AVL9: variants seen among roughly 807,000 people sequenced by gnomAD.
AVL9 encodes the protein late secretory pathway protein AVL9 homolog.
A neutral mutation model predicts 79.2 loss-of-function variants in AVL9; 49 were observed. The observed-to-expected ratio is 0.62, with a 90% CI of 0.49 to 0.79. The LOEUF is 0.79. Among genes scored for constraint, AVL9 ranks in the 30% least tolerant of loss-of-function variants. The pLI, the probability that AVL9 is intolerant of heterozygous loss-of-function variation, is 0.00. For missense variants in AVL9, 682 were observed against 776.8 expected (o/e 0.88, Z 1.45); for synonymous variants, 299 against 280.6 (o/e 1.07, Z -0.65).
intron 8 of AVL9, among the ~76,000 whole-genome samples, chr7:32,557,795 C>T (rs1031234281): frequency 6.6e-6 from 1 of 151,420 alleles, no homozygotes; most frequent in Non-Finnish European, 1.5e-5. Flanking sequence ...ACCTAAATCA[C>T]GGTGGATGCT....
chr7:32,580,395 A>T, intron 14 of AVL9, 123 bp downstream of exon 14: 1 of 738,812 alleles, frequency 1.4e-6, no homozygotes, highest in Non-Finnish European at 2.3e-6. Flanking sequence ...GTAACCAAAT[A>T]TGTGCATAAC....
At chr7:32,556,678 C>T (rs548160059) in intron 8 of AVL9, among the ~76,000 whole-genome samples, 3 of 152,126 alleles carry the variant, frequency 2.0e-5, no homozygotes, top group Admixed American at 6.5e-5. Flanking sequence ...AATTTATCAT[C>T]GTAACCATTT....
intron 8 of AVL9, among the ~76,000 whole-genome samples, chr7:32,555,201 G>A (rs1194274790): frequency 6.6e-6 from 1 of 152,064 alleles, no homozygotes; most frequent in Non-Finnish European, 1.5e-5. Context: ...AAATTAGCTG[G>A]GTGTGGTGGC....
At chr7:32,565,901 A>C (rs543065558) in intron 10 of AVL9, among the ~76,000 whole-genome samples, 2 of 150,904 alleles carry the variant, frequency 1.3e-5, no homozygotes, top group East Asian at 4.0e-4. Context: ...CCAGCTACTC[A>C]GGATGCTGAG....
rs1788485501 is a variant in AVL9, at chr7:32,528,129, A to G, written c.94-15012A>G. 2.6e-5 allele frequency among the ~76,000 whole-genome samples: 4 copies of G among 151,998 alleles called. No homozygotes were observed. The South Asian group carries it at 8.3e-4, about 32-fold the overall frequency. ...ATGCATAACTGTCTGAACCATTTCC[A>G]ATCAGAAACTGTTTAAATCTACCTA... On this transcript the variant is annotated intron_variant, in intron 1 of 15. Transcript: ENST00000318709.
chr7:32,511,976 G>A (rs2128118567), intron 1 of AVL9, among the ~76,000 whole-genome samples: 1 of 152,272 alleles, frequency 6.6e-6, no homozygotes, highest in Admixed American at 6.5e-5. Flanking sequence ...TATCTCCTCA[G>A]GACATTCCAT....
At chr7:32,510,027 C>T (rs913526541) in intron 1 of AVL9, among the ~76,000 whole-genome samples, 2 of 152,244 alleles carry the variant, frequency 1.3e-5, no homozygotes, top group African/African-American at 4.8e-5. Context: ...TTTTCTACGT[C>T]CATTAAATCA....
At chr7:32,529,292 G>A (rs1319602706) in intron 1 of AVL9, among the ~76,000 whole-genome samples, 1 of 152,142 alleles carries the variant, frequency 6.6e-6, no homozygotes, top group Non-Finnish European at 1.5e-5. Context: ...AGTTACCTAT[G>A]GGGTTAAAAC....
rs1258300154 is a variant in AVL9 at position 32,566,162 on chromosome 7, A to T, written c.1216-3858A>T. On this transcript the variant is annotated intron_variant, in intron 10 of 15. Transcript: ENST00000318709. ...AACAAATTATTATTATTTTAAAAAAATTTTAATTATTATTATTATTTTTTT... is the reference window on the plus strand; with the variant it reads ...AACAAATTATTATTATTTTAAAAAATTTTTAATTATTATTATTATTTTTTT... 2.6e-3 allele frequency among the ~76,000 whole-genome samples: 151 copies of T among 58,850 alleles called. 1 individual carries two copies. The highest frequency in any genetic ancestry group is 9.4e-3 in the Middle Eastern group (1 of 106). 38.6% of individuals were successfully genotyped at this position (58,850 alleles called of 152,430 possible).
At chr7:32,512,362 A>G (rs1156600397) in intron 1 of AVL9, among the ~76,000 whole-genome samples, 6 of 151,882 alleles carry the variant, frequency 4.0e-5, no homozygotes, top group Non-Finnish European at 7.4e-5. Context: ...CACATCATTT[A>G]CCTCACTGTG....
intron 8 of AVL9, 25 bp downstream of exon 8, chr7:32,554,621 A>G (rs893454005): frequency 2.1e-6 from 3 of 1,425,892 alleles, no homozygotes; most frequent in Non-Finnish European, 2.8e-6. Flanking sequence ...GATGAAAGGA[A>G]AGATGGAGTA....
At chr7:32,540,194 A>G (rs950728198) in intron 1 of AVL9, among the ~76,000 whole-genome samples, 18 of 152,230 alleles carry the variant, frequency 1.2e-4, no homozygotes, top group Non-Finnish European at 2.5e-4. Context: ...CTCATGATGA[A>G]TATTTAGGTT....
chr7:32,551,624 T>TTTTTTTTTTTA (rs1554341813), intron 5 of AVL9, among the ~76,000 whole-genome samples: 2 of 149,234 alleles, frequency 1.3e-5, no homozygotes, highest in African/African-American at 4.9e-5. Context: ...TTTTTTTTTT[T>TTTTTTTTTTTA]AGGAAATAAT....
At chr7:32,556,131 A>C (rs1261290728) in intron 8 of AVL9, among the ~76,000 whole-genome samples, 2 of 152,198 alleles carry the variant, frequency 1.3e-5, no homozygotes, top group Non-Finnish European at 2.9e-5. Context: ...AAGGGACTGG[A>C]AGTAAAGATA....
intron 1 of AVL9, among the ~76,000 whole-genome samples, chr7:32,501,535 A>C (rs1444826490): frequency 6.6e-6 from 1 of 152,150 alleles, no homozygotes; most frequent in Non-Finnish European, 1.5e-5. Context: ...GTATATGCTG[A>C]AATTATGAAA....
At chr7:32,512,236 G>A (rs992224554) in intron 1 of AVL9, among the ~76,000 whole-genome samples, 1 of 152,202 alleles carries the variant, frequency 6.6e-6, no homozygotes, top group African/African-American at 2.4e-5. Context: ...GATTGATCAA[G>A]GGGCTAACAG....
intron 1 of AVL9, among the ~76,000 whole-genome samples, chr7:32,523,979 C>T (rs1409613000): frequency 1.3e-5 from 2 of 151,656 alleles, no homozygotes; most frequent in Non-Finnish European, 2.9e-5. Flanking sequence ...GTGATCTGCC[C>T]ACCTCAGCCT....
chr7:32,552,247 A>G lies in AVL9; in HGVS notation c.481A>G (p.Asn161Asp). The change falls in exon 6 of 16, where the codon AAT becomes GAT. Residue 161 changes from asparagine to aspartate, a missense_variant. Asn to Asp is a conservative substitution (Grantham distance 23). Transcript: ENST00000318709. ...SILKELYEHM[N>D]SSLGGASLEG... is the part of the protein sequence containing the mutation. ...TTTATAGGAGCTTTATGAACATATGAATAGTTCCTTGGGAGGTGCTTCATT... is the reference window on the plus strand; with the variant it reads ...TTTATAGGAGCTTTATGAACATATGGATAGTTCCTTGGGAGGTGCTTCATT... The G allele has an allele frequency of 6.2e-7, 1 of 1,600,174 alleles. No individual in the cohort carries two copies. Among genetic ancestry groups the G allele is most frequent in the Non-Finnish European group, 8.6e-7 (1 of 1,168,340 alleles).
intron 4 of AVL9, 48 bp downstream of exon 4, chr7:32,548,966 T>G: frequency 7.8e-7 from 1 of 1,290,228 alleles, no homozygotes; most frequent in Non-Finnish European, 1.1e-6. Flanking sequence ...TCATGGCAGA[T>G]CTTTCTTTAA....
Sources: gnomAD v4.1 joint callset for allele counts (sites outside exome capture counted in the v4.1 genomes callset) on GRCh38, gnomAD v4.1.1 for gene constraint, MANE v1.5 for transcripts, NCBI Gene and HGNC (gene_info 2026-07-23, HGNC 2026-07-21) for gene names.